The following EPHB1 variants were observed in gnomAD, a reference collection of about 807,000 sequenced individuals.
EPHB1 encodes the protein EPH receptor B1, also known as ephrin type-B receptor 1.
In EPHB1, 30 loss-of-function variants were observed where a neutral mutation model predicts 94.4. That is an observed-to-expected ratio of 0.32 (90% CI 0.24 to 0.43). The LOEUF (loss-of-function observed/expected upper bound fraction) is 0.43. EPHB1 is among the 20% of genes least tolerant of loss of function. The pLI, the probability that EPHB1 is intolerant of heterozygous loss-of-function variation, is 1.00. For missense variants in EPHB1, 1,055 were observed against 1,308.3 expected (o/e 0.81, Z 2.99); for synonymous variants, 522 against 489.1 (o/e 1.07, Z -0.89).
intron 5 of EPHB1, 67 bp downstream of exon 5, chr3:135,133,116 A>G (rs908682827): frequency 6.0e-5 from 87 of 1,457,146 alleles, no homozygotes; most frequent in Non-Finnish European, 8.0e-5. Flanking sequence ...AGGCAGGGAC[A>G]CAGCTGCAGC....
chr3:135,209,436 T>A (rs1342756835), intron 12 of EPHB1, among the ~76,000 whole-genome samples: 1 of 152,214 alleles, frequency 6.6e-6, no homozygotes, highest in Non-Finnish European at 1.5e-5. Flanking sequence ...AAATATTCTG[T>A]GCAACTTAGA....
At chr3:134,970,077 T>A (rs904559676) in intron 3 of EPHB1, among the ~76,000 whole-genome samples, 2 of 152,218 alleles carry the variant, frequency 1.3e-5, no homozygotes, top group Non-Finnish European at 2.9e-5. Context: ...ATTCTCTTAA[T>A]AATGTCTTTC....
chr3:135,058,351 C>T, intron 3 of EPHB1, among the ~76,000 whole-genome samples: 1 of 152,164 alleles, frequency 6.6e-6, no homozygotes, highest in East Asian at 1.9e-4. Context: ...GAGCTCTGCC[C>T]ACCTCTCCTC....
chr3:134,830,701 A>G (rs2036565920), intron 1 of EPHB1, among the ~76,000 whole-genome samples: 1 of 152,256 alleles, frequency 6.6e-6, no homozygotes, highest in Admixed American at 6.5e-5. Context: ...AGTCCTTGGC[A>G]GGCTGATGGG....
intron 12 of EPHB1, among the ~76,000 whole-genome samples, chr3:135,228,097 C>T (rs1943442379): frequency 6.6e-6 from 1 of 152,118 alleles, no homozygotes. Context: ...CTAATTTTGT[C>T]AATTGACCCA....
chr3:135,032,568 C>T (rs541204732), intron 3 of EPHB1, among the ~76,000 whole-genome samples: 24 of 152,238 alleles, frequency 1.6e-4, no homozygotes, highest in African/African-American at 5.5e-4. Context: ...CCCAGGCCAT[C>T]TCTTCATATT....
Position 134,925,935 on chromosome 3 carries a change from G to A in EPHB1, c.123+55G>A, listed in dbSNP as rs375020359. 5.1e-5 allele frequency: 75 copies of A among 1,480,300 alleles called. No individual in the cohort carries two copies. The African/African-American group carries it at 9.9e-4, about 20-fold the overall frequency. 91.7% of individuals were successfully genotyped at this position (1,480,300 alleles called of 1,614,324 possible). A position where few individuals can be genotyped will look rare whatever the true frequency, so the allele number is the denominator to read the frequency against. ...CTGCTATGAGGTCCTGGATCCATAT[G>A]ATATCTAGGGGAGTAGAGACTACCC... On this transcript the variant is annotated intron_variant, in intron 2 of 15. Coordinates refer to ENST00000398015, the MANE Select transcript of EPHB1 (RefSeq NM_004441.5).
chr3:135,073,551 C>T (rs1937798438), intron 3 of EPHB1, among the ~76,000 whole-genome samples: 1 of 152,144 alleles, frequency 6.6e-6, no homozygotes, highest in Non-Finnish European at 1.5e-5. Context: ...GATAAGAATT[C>T]TTCAGAGTAA....
At chr3:135,198,162 CT>C (rs1242524680) in intron 11 of EPHB1, among the ~76,000 whole-genome samples, 4 of 152,172 alleles carry the variant, frequency 2.6e-5, no homozygotes, top group Non-Finnish European at 4.4e-5. Flanking sequence ...TATGCACAGC[CT>C]TTTTCTCCAC....
At position 134,951,286 on chromosome 3, in the gene EPHB1, A is replaced by C; in HGVS notation, c.124-85A>C. 2.3e-6 allele frequency: 3 copies of C among 1,286,338 alleles called. No homozygotes were observed. The highest frequency in any genetic ancestry group is 3.1e-6 in the Non-Finnish European group (3 of 956,026). The allele number at this position is 1,286,338 out of a possible 1,614,324, so 79.7% of individuals were successfully genotyped here. ...GCTCTTAAGGCCCCTTAGCCCCAGG[A>C]TTCTCCTCTGCTATGCCTATTTTTG... On this transcript the variant is annotated intron_variant, in intron 2 of 15. Coordinates refer to ENST00000398015, the MANE Select transcript of EPHB1 (RefSeq NM_004441.5). This position sits in a 1 kb window ranked among gnomAD's most constrained non-coding sequence, Gnocchi z 4.5.
intron 3 of EPHB1, among the ~76,000 whole-genome samples, chr3:135,078,260 G>A (rs1194635852): frequency 6.6e-6 from 1 of 152,162 alleles, no homozygotes; most frequent in East Asian, 1.9e-4. Context: ...AGTAAGAGAA[G>A]AAGCTGATAT....
rs1021769918 is a variant in EPHB1, at chr3:134,863,693, G to T, written c.59-62123G>T. Among the ~76,000 whole-genome samples, 3 of 152,208 alleles carry T rather than the reference G, an allele frequency of 2.0e-5. No individual in the cohort carries two copies. The East Asian group carries it at 5.8e-4, about 29-fold the overall frequency. ...TTTTCATTTGCTCTTTCACCACAAAGCCTGGAAATAGAAGAGGTGGTATAG... is the reference window on the plus strand; with the variant it reads ...TTTTCATTTGCTCTTTCACCACAAATCCTGGAAATAGAAGAGGTGGTATAG... On this transcript the variant is annotated intron_variant, in intron 1 of 15. Transcript: ENST00000398015.
At chr3:135,039,214 C>T (rs1455100969) in intron 3 of EPHB1, among the ~76,000 whole-genome samples, 1 of 152,176 alleles carries the variant, frequency 6.6e-6, no homozygotes, top group Admixed American at 6.5e-5. Context: ...TCTCCACGTC[C>T]TCACCAGAGC....
Position 134,900,079 on chromosome 3 carries a change from T to C in EPHB1, c.59-25737T>C, listed in dbSNP as rs573242655. ...GGTTAGAAGCGGGCTCTGGTTGCAG[T>C]ATATACTGAGGCTTTGGATTCTTGA... On this transcript the variant is annotated intron_variant, in intron 1 of 15. Coordinates refer to ENST00000398015, the MANE Select transcript of EPHB1 (RefSeq NM_004441.5). Among the ~76,000 whole-genome samples, 44 of 152,284 alleles carry C rather than the reference T, an allele frequency of 2.9e-4. No individual in the cohort carries two copies. In the South Asian group the frequency reaches 8.9e-3, roughly 31 times the overall value.
At chr3:135,138,303 T>G (rs1940694325) in intron 5 of EPHB1, among the ~76,000 whole-genome samples, 1 of 152,222 alleles carries the variant, frequency 6.6e-6, no homozygotes, top group Non-Finnish European at 1.5e-5. Flanking sequence ...ACTTTTGAAG[T>G]TCTTAGACAG....
chr3:135,051,404 G>A (rs974167215), intron 3 of EPHB1, among the ~76,000 whole-genome samples: 1 of 152,176 alleles, frequency 6.6e-6, no homozygotes, highest in African/African-American at 2.4e-5. Flanking sequence ...AGGCACCAAG[G>A]TGATTATTTC....
Position 134,996,670 on chromosome 3 carries a change from A to G in EPHB1, c.805+44618A>G, listed in dbSNP as rs564810943. 1.2e-3 allele frequency among the ~76,000 whole-genome samples: 176 copies of G among 152,228 alleles called. No homozygotes were observed. The South Asian group carries it at 0.019, about 16-fold the overall frequency. On this transcript the variant is annotated intron_variant, in intron 3 of 15. Transcript: ENST00000398015. ...CTTCCTAGTATTTCCAACAATGATC[A>G]TTGTAATTCTTTTGATTATTTGTTA...
At chr3:135,252,903 C>T (rs1933190196) in intron 15 of EPHB1, among the ~76,000 whole-genome samples, 1 of 148,850 alleles carries the variant, frequency 6.7e-6, no homozygotes, top group Non-Finnish European at 1.5e-5. Context: ...TTAATGATTG[C>T]CATTCTAACT....
intron 9 of EPHB1, among the ~76,000 whole-genome samples, chr3:135,173,084 G>C (rs1941854342): frequency 6.7e-6 from 1 of 149,818 alleles, no homozygotes; most frequent in Admixed American, 6.6e-5. Flanking sequence ...GCCCAGGCTG[G>C]AGTGCAGTGG....
Sources: gnomAD v4.1 joint callset for allele counts (sites outside exome capture counted in the v4.1 genomes callset) on GRCh38, gnomAD v4.1.1 for gene constraint, Gnocchi (gnomAD v3.1) non-coding constraint, MANE v1.5 for transcripts, NCBI Gene and HGNC (gene_info 2026-07-23, HGNC 2026-07-21) for gene names.